The following DPP6 variants were observed in gnomAD, a reference collection of about 807,000 sequenced individuals.
DPP6 encodes the protein A-type potassium channel modulatory protein DPP6.
In DPP6, 69 loss-of-function variants were observed where a neutral mutation model predicts 122.6. That is an observed-to-expected ratio of 0.56 (90% confidence interval 0.46 to 0.69). DPP6 has a LOEUF of 0.69. DPP6 is among the 30% of genes least tolerant of loss of function. The pLI, the probability that DPP6 is intolerant of heterozygous loss-of-function variation, is 0.00. For missense variants in DPP6, 928 were observed against 1,116.9 expected, an observed-to-expected ratio of 0.83 and a Z score of 2.41; for synonymous variants, 418 against 433.1, an observed-to-expected ratio of 0.97 and a Z score of 0.43.
rs1170866791 is a variant in DPP6, at chr7:154,344,674, G to A, written c.244-101540G>A. Among the ~76,000 whole-genome samples, 4 of 152,124 alleles carry A rather than the reference G, an allele frequency of 2.6e-5. 1 individual carries two copies. Among genetic ancestry groups the A allele is most frequent in the African/African-American group, 9.7e-5 (4 of 41,426 alleles). On this transcript the variant is annotated intron_variant, in intron 1 of 25. Coordinates refer to ENST00000377770, the MANE Select transcript of DPP6 (RefSeq NM_130797.4). ...TTAGGGGCTGTGGAAGCTTGTACGA[G>A]TTTCTTGGCAACTCTGATTCACATT...
intron 1 of DPP6, chr7:154,059,089 C>T (rs961115069): frequency 7.5e-6 from 1 of 134,024 alleles, no homozygotes; most frequent in Non-Finnish European, 1.6e-5. Flanking sequence ...CCCTCTGGCT[C>T]TTAGGAACCC....
chr7:154,867,110 G>A (rs1024282024), intron 17 of DPP6, among the ~76,000 whole-genome samples: 3 of 151,878 alleles, frequency 2.0e-5, no homozygotes, highest in Non-Finnish European at 4.4e-5. Context: ...GTGATTTGAC[G>A]AGCCAAAGGC....
In DPP6 at chr7:154,624,192, G is replaced by T. The variant is rs2130867509; in HGVS notation, c.628-13629G>T. On this transcript the variant is annotated intron_variant, in intron 5 of 25. Transcript: ENST00000377770. This position sits in a 1 kb window ranked among gnomAD's most constrained non-coding sequence, Gnocchi z 4.7. ...AAAATACAAAAATCAGCCAGACGTG[G>T]TGGCGGGTGCCTATAAATCCAGCTA... is the stretch of plus-strand genomic sequence containing the variant. Among the ~76,000 whole-genome samples the T allele has an allele frequency of 6.6e-6, 1 of 152,300 alleles. No individual in the cohort carries two copies. Among genetic ancestry groups the T allele is most frequent in the African/African-American group, 2.4e-5 (1 of 41,566 alleles).
chr7:153,813,667 T>C, the DPP6 span, among the ~76,000 whole-genome samples: 19 of 151,982 alleles, frequency 1.3e-4, no homozygotes, highest in East Asian at 3.9e-4. Flanking sequence ...TCCTATTTCT[T>C]CACATCCTCT....
chr7:154,357,511 A>G (rs998369460), intron 1 of DPP6, among the ~76,000 whole-genome samples: 8 of 152,200 alleles, frequency 5.3e-5, no homozygotes, highest in Admixed American at 5.2e-4. Flanking sequence ...CAGAAAATAA[A>G]CACCTTTTCT....
chr7:153,884,166 G>A (rs199604012), upstream of DPP6, among the ~76,000 whole-genome samples: 17 of 151,872 alleles, frequency 1.1e-4, no homozygotes, highest in South Asian at 2.1e-4. Context: ...CCCAATTCCC[G>A]CACCCCACAA....
intron 1 of DPP6, among the ~76,000 whole-genome samples, chr7:154,343,656 C>T (rs372844183): frequency 1.5e-4 from 23 of 152,254 alleles, no homozygotes; most frequent in Admixed American, 4.6e-4. Context: ...TCTCGGCTCA[C>T]TGCACCCTCT....
chr7:153,853,772 T>C, the DPP6 span, among the ~76,000 whole-genome samples: 1 of 152,214 alleles, frequency 6.6e-6, no homozygotes, highest in Admixed American at 6.5e-5. Context: ...AAAATAGTTA[T>C]TCTTTTCTCC....
rs529311465 is a variant in DPP6 at position 154,831,101 on chromosome 7, C to T, written c.1667-22679C>T. ...ACCCTCAGAAGCCACCCTGCCCCAACGTCAGCCCTGCCTTAGAAAAAGGAC... is the reference window on the plus strand; with the variant it reads ...ACCCTCAGAAGCCACCCTGCCCCAATGTCAGCCCTGCCTTAGAAAAAGGAC... On this transcript the variant is annotated intron_variant, in intron 16 of 25. Coordinates refer to ENST00000377770, the MANE Select transcript of DPP6 (RefSeq NM_130797.4). Among the ~76,000 whole-genome samples, 178 of 152,338 alleles carry T rather than the reference C, an allele frequency of 1.2e-3. 1 individual carries two copies. Among genetic ancestry groups the T allele is most frequent in the African/African-American group, 3.8e-3 (156 of 41,568 alleles).
chr7:153,917,671 C>G (rs1800386110), intron 1 of DPP6, among the ~76,000 whole-genome samples: 1 of 152,164 alleles, frequency 6.6e-6, no homozygotes, highest in South Asian at 2.1e-4. Context: ...GTTTACAGCA[C>G]CTTCTCGAAG....
chr7:154,132,494 T>C (rs1795334984), intron 1 of DPP6, among the ~76,000 whole-genome samples: 1 of 152,066 alleles, frequency 6.6e-6, no homozygotes, highest in South Asian at 2.1e-4. Context: ...TAATCTGAAA[T>C]TACCATCACC....
chr7:154,557,374 TA>T (rs746599920), intron 4 of DPP6, among the ~76,000 whole-genome samples: 11 of 152,292 alleles, frequency 7.2e-5, no homozygotes, highest in Non-Finnish European at 1.5e-4. Context: ...TTTCTAAGTG[TA>T]AAAGTTGCAT....
At chr7:154,317,339 A>G (rs1333980062) in intron 1 of DPP6, among the ~76,000 whole-genome samples, 1 of 152,198 alleles carries the variant, frequency 6.6e-6, no homozygotes, top group Non-Finnish European at 1.5e-5. Flanking sequence ...GCGACAGAGC[A>G]TGACTCTGTC....
At chr7:154,578,007 AG>A (rs1323928659) in intron 5 of DPP6, among the ~76,000 whole-genome samples, 3 of 152,234 alleles carry the variant, frequency 2.0e-5, no homozygotes, top group African/African-American at 7.2e-5. Context: ...TTTGTGATTT[AG>A]GGCTCCAACT....
rs76702606 is a variant in DPP6 at position 154,277,063 on chromosome 7, A to T, written c.244-169151A>T. ...ACAAAAATGTGGAACTAAATAGACC[A>T]TGAAGAGGACACTTGTTTATAGTAT... On this transcript the variant is annotated intron_variant, in intron 1 of 25. Transcript: ENST00000377770. Among the ~76,000 whole-genome samples, 1,077 of 152,312 alleles carry T rather than the reference A, an allele frequency of 7.1e-3. 19 individuals carry two copies. The highest frequency in any genetic ancestry group is 0.024 in the African/African-American group (1,010 of 41,556).
At chr7:154,054,886 G>A (rs999244528) in intron 1 of DPP6, among the ~76,000 whole-genome samples, 6 of 151,242 alleles carry the variant, frequency 4.0e-5, no homozygotes, top group African/African-American at 1.5e-4. Context: ...CAAGAGCTCT[G>A]AATTTTATTT....
intron 1 of DPP6, among the ~76,000 whole-genome samples, chr7:154,168,358 C>A (rs74564780): frequency 6.6e-6 from 1 of 152,162 alleles, no homozygotes; most frequent in Non-Finnish European, 1.5e-5. Context: ...GACACATAAA[C>A]GCATTGATCA....
At chr7:154,501,010 T>TG (rs1234078846) in intron 3 of DPP6, among the ~76,000 whole-genome samples, 2 of 152,136 alleles carry the variant, frequency 1.3e-5, no homozygotes, top group African/African-American at 4.8e-5. Flanking sequence ...AGAAACTAGT[T>TG]GGGAACTGCA....
At chr7:153,951,909 G>GGC (rs1802235200) in intron 1 of DPP6, among the ~76,000 whole-genome samples, 1 of 152,108 alleles carries the variant, frequency 6.6e-6, no homozygotes, top group South Asian at 2.1e-4. Flanking sequence ...TGGGCGTGGT[G>GGC]GTGCATGCCT....
Sources: allele counts gnomAD v4.1 joint callset (sites outside exome capture counted in the v4.1 genomes callset), GRCh38; gene constraint gnomAD v4.1.1; non-coding constraint Gnocchi (gnomAD v3.1); transcripts MANE v1.5; gene names NCBI Gene and HGNC (gene_info 2026-07-23, HGNC 2026-07-21).